The following RSF1 variants were observed in gnomAD, a reference collection of about 807,000 sequenced individuals.
RSF1 encodes the protein remodeling and spacing factor 1, also known as HBV pX-associated protein 8.
A neutral mutation model predicts 145.2 loss-of-function variants in RSF1; 13 were observed. The observed-to-expected ratio is 0.09, with a 90% CI of 0.06 to 0.14. The LOEUF (loss-of-function observed/expected upper bound fraction) is 0.14. RSF1 is among the 10% of genes least tolerant of loss of function. The pLI, the probability that RSF1 is intolerant of heterozygous loss-of-function variation, is 1.00. For synonymous variants in RSF1, 577 were observed against 592.6 expected (o/e 0.97, Z 0.38); for missense variants, 1,517 against 1,718.2 (o/e 0.88, Z 2.07).
chr11:77,787,945 A>G (rs964784411), intron 1 of RSF1, among the ~76,000 whole-genome samples: 1 of 151,580 alleles, frequency 6.6e-6, no homozygotes, highest in Non-Finnish European at 1.5e-5. Flanking sequence ...TCTGGGCAAC[A>G]CAGTGAAACC....
intron 1 of RSF1, among the ~76,000 whole-genome samples, chr11:77,793,451 T>C (rs1466770933): frequency 6.6e-6 from 1 of 152,078 alleles, no homozygotes; most frequent in Non-Finnish European, 1.5e-5. Flanking sequence ...GCCACTGTAC[T>C]TCCAGCCTGG....
chr11:77,837,308 G>A, the RSF1 span, among the ~76,000 whole-genome samples: 2 of 151,830 alleles, frequency 1.3e-5, no homozygotes, highest in African/African-American at 2.4e-5. Flanking sequence ...GCTAATTTTT[G>A]TTATTTTTAG....
chr11:77,778,223 G>C (rs1360268017), intron 1 of RSF1, among the ~76,000 whole-genome samples: 1 of 52,266 alleles, frequency 1.9e-5, no homozygotes, highest in African/African-American at 7.8e-5. Context: ...GGGAGGGGAG[G>C]GGGTGGGGGA....
rs548543955 is a variant in RSF1 at position 77,723,619 on chromosome 11, C to T, written c.733+1926G>A. On this transcript the variant is annotated intron_variant, in intron 5 of 15. Transcript: ENST00000308488. ...CAATGAAGGACGGTAATCAACATTT[C>T]GGCTAAAAGCAATGCTTAATACATA... is the stretch of plus-strand genomic sequence containing the variant. 1.4e-4 allele frequency among the ~76,000 whole-genome samples: 21 copies of T among 152,288 alleles called. No homozygotes were observed. The East Asian group carries it at 3.1e-3, about 22-fold the overall frequency.
chr11:77,798,306 C>T (rs769030502), intron 1 of RSF1, among the ~76,000 whole-genome samples: 6 of 151,872 alleles, frequency 4.0e-5, no homozygotes, highest in East Asian at 1.9e-4. Flanking sequence ...GCACACAGGC[C>T]GGAAGCAGTG....
intron 1 of RSF1, among the ~76,000 whole-genome samples, chr11:77,798,143 G>A (rs746015057): frequency 3.9e-5 from 6 of 152,066 alleles, no homozygotes; most frequent in Admixed American, 6.6e-5. Flanking sequence ...TTGACCCAGC[G>A]ATCCCATTAC....
intron 2 of RSF1, among the ~76,000 whole-genome samples, chr11:77,750,270 C>T (rs1385111486): frequency 3.9e-5 from 6 of 152,074 alleles, no homozygotes; most frequent in Non-Finnish European, 5.9e-5. Flanking sequence ...CAAGTTTTTC[C>T]TCAAGGCCCA....
At chr11:77,758,022 A>C (rs554001392) in intron 2 of RSF1, among the ~76,000 whole-genome samples, 70 of 152,078 alleles carry the variant, frequency 4.6e-4, no homozygotes, top group Non-Finnish European at 9.7e-4. Flanking sequence ...AGTTCCGGCT[A>C]CTGGGGAGGC....
chr11:77,698,559 T>C lies in RSF1; in HGVS notation c.2643A>G (p.Glu881=). The part of the protein sequence containing the change: ...SAASEEEEEK[E]SEEAILADDD... ...CATCTGCTAGGATGGCTTCTTCACTTTCCTTTTCTTCCTCCTCTTCTGAAG... is the reference window on the plus strand; with the variant it reads ...CATCTGCTAGGATGGCTTCTTCACTCTCCTTTTCTTCCTCCTCTTCTGAAG... The change falls in exon 7 of 16, where the codon GAA becomes GAG. Residue 881 remains glutamate, a synonymous_variant. Coordinates refer to ENST00000308488, the MANE Select transcript of RSF1 (RefSeq NM_016578.4). 2 of 1,614,160 alleles carry C rather than the reference T, an allele frequency of 1.2e-6. No homozygotes were observed. The highest frequency in any genetic ancestry group is 8.5e-7 in the Non-Finnish European group (1 of 1,180,020).
intron 5 of RSF1, among the ~76,000 whole-genome samples, chr11:77,704,753 G>GTTTTTTTTTT (rs72141127): frequency 7.4e-6 from 1 of 134,544 alleles, no homozygotes; most frequent in Admixed American, 7.6e-5. Context: ...GTTTGCCTTG[G>GTTTTTTTTTT]TTTTTTTTTT....
At chr11:77,767,662 T>C (rs1332441802) in intron 1 of RSF1, among the ~76,000 whole-genome samples, 1 of 152,248 alleles carries the variant, frequency 6.6e-6, no homozygotes, top group East Asian at 1.9e-4. Flanking sequence ...TATCTTTCAA[T>C]GTCTAGGCAA....
chr11:77,713,230 T>C (rs548485543), intron 5 of RSF1, among the ~76,000 whole-genome samples: 1 of 152,294 alleles, frequency 6.6e-6, no homozygotes, highest in South Asian at 2.1e-4. Flanking sequence ...CACGAGAAGA[T>C]TCCTATACAA....
chr11:77,692,232 A>ATTT (rs1565149884), intron 8 of RSF1, among the ~76,000 whole-genome samples: 29 of 59,752 alleles, frequency 4.9e-4, no homozygotes, highest in Non-Finnish European at 6.9e-4. Context: ...ACTACTTTTA[A>ATTT]ATTTTTTTTT....
chr11:77,786,329 C>G (rs1948456486), intron 1 of RSF1, among the ~76,000 whole-genome samples: 1 of 152,106 alleles, frequency 6.6e-6, no homozygotes, highest in South Asian at 2.1e-4. Flanking sequence ...ACTTATCATT[C>G]AGAATATCTG....
At chr11:77,699,726 T>C (rs1235331661) in intron 6 of RSF1, among the ~76,000 whole-genome samples, 5 of 152,198 alleles carry the variant, frequency 3.3e-5, no homozygotes, top group Admixed American at 3.3e-4. Context: ...AAAATATACA[T>C]GTCCCTTGAC....
intron 1 of RSF1, among the ~76,000 whole-genome samples, chr11:77,818,256 T>C (rs1433759404): frequency 6.6e-6 from 1 of 152,168 alleles, no homozygotes; most frequent in African/African-American, 2.4e-5. Flanking sequence ...CTGGTCAAAA[T>C]ACCTAAAATA....
At chr11:77,722,573 G>A (rs1225196043) in intron 5 of RSF1, among the ~76,000 whole-genome samples, 1 of 152,176 alleles carries the variant, frequency 6.6e-6, no homozygotes, top group Non-Finnish European at 1.5e-5. Context: ...ATAGGGTATA[G>A]AAGGATCAGG....
upstream of RSF1, among the ~76,000 whole-genome samples, chr11:77,823,621 C>CAAA (rs397970373): frequency 5.7e-3 from 558 of 97,130 alleles, 11 homozygotes; most frequent in African/African-American, 0.011. Flanking sequence ...CACCCTGTCT[C>CAAA]AAAAAAAAAA....
At chr11:77,796,765 G>T (rs189997236) in intron 1 of RSF1, among the ~76,000 whole-genome samples, 2 of 152,184 alleles carry the variant, frequency 1.3e-5, no homozygotes, top group Non-Finnish European at 2.9e-5. Flanking sequence ...AAATCCCATC[G>T]TCTCAATCCA....
Sources: gnomAD v4.1 joint callset for allele counts (sites outside exome capture counted in the v4.1 genomes callset) on GRCh38, gnomAD v4.1.1 for gene constraint, MANE v1.5 for transcripts, NCBI Gene and HGNC (gene_info 2026-07-23, HGNC 2026-07-21) for gene names.